The following SEMA3A variants were observed in gnomAD, a reference collection of about 807,000 sequenced individuals.
SEMA3A encodes the protein semaphorin 3A.
SEMA3A carries 29 observed loss-of-function variants against 97.9 expected under a neutral mutation model. That is an observed-to-expected ratio of 0.30 (90% CI 0.22 to 0.40). SEMA3A has a LOEUF of 0.40. SEMA3A is among the 10% of genes least tolerant of loss of function. The pLI, the probability that SEMA3A is intolerant of heterozygous loss-of-function variation, is 1.00. For synonymous variants in SEMA3A, 321 were observed against 323.7 expected, an observed-to-expected ratio of 0.99 and a Z score of 0.09; for missense variants, 763 against 951.3, an observed-to-expected ratio of 0.80 and a Z score of 2.60.
At chr7:84,066,120 G>A (rs1263936837) in intron 4 of SEMA3A, among the ~76,000 whole-genome samples, 6 of 151,448 alleles carry the variant, frequency 4.0e-5, no homozygotes, top group Admixed American at 2.0e-4. Context: ...TTTAATATAC[G>A]CGAATCAATA....
chr7:84,194,552 C>G lies in SEMA3A; in HGVS notation c.35G>C (p.Trp12Ser). 1 of 1,613,172 alleles carries G rather than the reference C, an allele frequency of 6.2e-7. No homozygotes were observed. The highest frequency in any genetic ancestry group is 1.7e-5 in the Admixed American group (1 of 60,016). ...TGCTCTTGCTGTAAGTAATACTCCC[C>G]AGAAAAGACAGACAATCCTAGTTAA... ...GWLTRIVCLF[W>S]GVLLTARANY... Residue 12 changes from tryptophan (W) to serine (S), a missense_variant, in exon 1 of 17, where the codon TGG becomes TCG. By Grantham distance (177) the Trp-to-Ser change is radical. Around this residue, in one of 2 missense-constraint regions of SEMA3A, gnomAD observed 85 missense variants for 70.0 expected, o/e 1.21. Transcript: ENST00000265362.
chr7:83,990,859 G>C (rs1158431494), intron 12 of SEMA3A, among the ~76,000 whole-genome samples: 1 of 150,500 alleles, frequency 6.6e-6, no homozygotes, highest in Non-Finnish European at 1.5e-5. Flanking sequence ...TGTGAAGAAA[G>C]GCATTGGTAG....
intron 4 of SEMA3A, among the ~76,000 whole-genome samples, chr7:84,081,745 C>A (rs2115803197): frequency 6.6e-6 from 1 of 151,960 alleles, no homozygotes; most frequent in South Asian, 2.1e-4. Flanking sequence ...TTACTTTGGA[C>A]TACTTATTAC....
intron 3 of SEMA3A, among the ~76,000 whole-genome samples, chr7:84,208,245 G>T (rs1026956995): frequency 6.6e-6 from 1 of 152,114 alleles, no homozygotes; most frequent in Non-Finnish European, 1.5e-5. Context: ...GAGGTCAGGA[G>T]ATCGAGACCA....
chr7:84,139,208 GT>G (rs1796228273), intron 1 of SEMA3A, among the ~76,000 whole-genome samples: 1 of 151,958 alleles, frequency 6.6e-6, no homozygotes, highest in African/African-American at 2.4e-5. Flanking sequence ...AACAACAATT[GT>G]TGTTTTTAAA....
intron 1 of SEMA3A, among the ~76,000 whole-genome samples, chr7:84,165,844 C>T (rs928054933): frequency 6.6e-6 from 1 of 152,172 alleles, no homozygotes; most frequent in African/African-American, 2.4e-5. Flanking sequence ...TGAGCCACCC[C>T]TCCCGGCCTA....
In SEMA3A at chr7:84,397,038, T is replaced by C. The variant is rs116502574; in HGVS notation, c.-245-25138A>G. 2.8e-3 allele frequency among the ~76,000 whole-genome samples: 420 copies of C among 152,156 alleles called. 2 individuals carry two copies. The highest frequency in any genetic ancestry group is 9.5e-3 in the African/African-American group (394 of 41,542). On this transcript the variant is annotated intron_variant, in intron 1 of 3. Transcript: ENST00000424555. Reference sequence around the variant, plus strand: ...GAACATAAATGGCAACATGACAATTTATGGCAAAGAAAGCACAAAAATAAA... The same window carrying C: ...GAACATAAATGGCAACATGACAATTCATGGCAAAGAAAGCACAAAAATAAA...
chr7:84,168,228 A>G (rs1187640587), intron 1 of SEMA3A, among the ~76,000 whole-genome samples: 1 of 152,044 alleles, frequency 6.6e-6, no homozygotes, highest in Non-Finnish European at 1.5e-5. Flanking sequence ...AGACAAAATA[A>G]TGTGCCTCTT....
At chr7:84,015,650 A>T (rs1791068438) in intron 6 of SEMA3A, among the ~76,000 whole-genome samples, 1 of 152,190 alleles carries the variant, frequency 6.6e-6, no homozygotes, top group African/African-American at 2.4e-5. Context: ...CACCATTCTT[A>T]AGAGACCAGG....
intron 1 of SEMA3A, among the ~76,000 whole-genome samples, chr7:84,174,357 G>A (rs1432857793): frequency 6.6e-6 from 1 of 152,206 alleles, no homozygotes; most frequent in Admixed American, 6.5e-5. Context: ...CAATGCTGGA[G>A]TAATATTTGG....
At chr7:84,121,412 C>G (rs1795611567) in intron 3 of SEMA3A, among the ~76,000 whole-genome samples, 1 of 150,310 alleles carries the variant, frequency 6.7e-6, no homozygotes, top group Non-Finnish European at 1.5e-5. Flanking sequence ...CACCCTGTGT[C>G]CAAGTGTTCT....
At chr7:84,380,006 T>A (rs978449200) in intron 1 of SEMA3A, among the ~76,000 whole-genome samples, 1 of 152,198 alleles carries the variant, frequency 6.6e-6, no homozygotes, top group Admixed American at 6.5e-5. Context: ...GTTTAGCATA[T>A]TGGACTTTGG....
chr7:84,051,856 A>G (rs1792672281), intron 5 of SEMA3A, among the ~76,000 whole-genome samples: 1 of 151,158 alleles, frequency 6.6e-6, no homozygotes, highest in Non-Finnish European at 1.5e-5. Context: ...TTTGTCATAG[A>G]TAGCTCTTAT....
intron 3 of SEMA3A, among the ~76,000 whole-genome samples, chr7:84,209,200 T>A (rs1762385886): frequency 6.6e-6 from 1 of 152,180 alleles, no homozygotes; most frequent in African/African-American, 2.4e-5. Context: ...CACTTCTTAG[T>A]GATTCAGCTA....
chr7:84,196,353 T>TTCTCTCTCTCTCTCTC (rs60887913), upstream of SEMA3A, among the ~76,000 whole-genome samples: 37 of 149,252 alleles, frequency 2.5e-4, no homozygotes, highest in African/African-American at 8.6e-4. Flanking sequence ...TCGCTCTGCT[T>TTCTCTCTCTCTCTCTC]TCTCTCTCTC....
chr7:83,993,961 C>T (rs1382986146), intron 12 of SEMA3A, among the ~76,000 whole-genome samples: 10 of 120,952 alleles, frequency 8.3e-5, no homozygotes, highest in South Asian at 3.2e-4. Flanking sequence ...ACCAATCAGA[C>T]GTAGATTTGG....
intron 3 of SEMA3A, among the ~76,000 whole-genome samples, chr7:84,293,448 G>A (rs1182314003): frequency 6.6e-6 from 1 of 151,998 alleles, no homozygotes; most frequent in Non-Finnish European, 1.5e-5. Flanking sequence ...CATTTGTAAA[G>A]CAAGACAATA....
intron 3 of SEMA3A, among the ~76,000 whole-genome samples, chr7:84,203,916 T>C (rs1178170865): frequency 6.6e-6 from 1 of 151,820 alleles, no homozygotes; most frequent in African/African-American, 2.4e-5. Context: ...GAGAGAATTC[T>C]AAAATGCTGC....
intron 3 of SEMA3A, among the ~76,000 whole-genome samples, chr7:84,113,500 G>A (rs775756818): frequency 1.3e-5 from 2 of 152,162 alleles, no homozygotes; most frequent in Non-Finnish European, 2.9e-5. Flanking sequence ...GAAGAAGAGT[G>A]TTTCTGACCT....
Sources: allele counts gnomAD v4.1 joint callset (sites outside exome capture counted in the v4.1 genomes callset), GRCh38; gene constraint gnomAD v4.1.1; regional missense constraint gnomAD v4.1.1; transcripts MANE v1.5; gene names NCBI Gene and HGNC (gene_info 2026-07-23, HGNC 2026-07-21).